GLRA3: variants seen among roughly 807,000 people sequenced by gnomAD.
GLRA3 encodes glycine receptor subunit alpha-3.
Under a neutral mutation model 60.4 loss-of-function variants are expected in GLRA3, and 44 were observed. That is an observed-to-expected ratio of 0.73 (90% CI 0.57 to 0.94). GLRA3 has a LOEUF of 0.94. Ranked by LOEUF, GLRA3 falls within the 40% of genes least tolerant of loss-of-function variation. The pLI is 0.00. For missense variants in GLRA3, 508 were observed against 564.6 expected (o/e 0.90, Z 1.02); for synonymous variants, 223 against 192.9 (o/e 1.16, Z -1.29).
chr4:174,817,992 G>A (rs1326599341), intron 1 of GLRA3, among the ~76,000 whole-genome samples: 1 of 152,096 alleles, frequency 6.6e-6, no homozygotes, highest in Non-Finnish European at 1.5e-5. Context: ...ATCAGATTTT[G>A]ACCATGTTAG....
chr4:174,713,315 C>A (rs947569258), intron 5 of GLRA3, among the ~76,000 whole-genome samples: 1 of 152,034 alleles, frequency 6.6e-6, no homozygotes, highest in African/African-American at 2.4e-5. Context: ...CATGGGAGGT[C>A]TTACTATGTC....
intron 5 of GLRA3, among the ~76,000 whole-genome samples, chr4:174,692,480 G>A (rs1436528653): frequency 4.0e-5 from 6 of 150,848 alleles, no homozygotes; most frequent in Admixed American, 6.6e-5. Flanking sequence ...TGACAATGGC[G>A]GTTTTGTGGA....
chr4:174,679,037 A>G (rs142853660), intron 6 of GLRA3, among the ~76,000 whole-genome samples: 31 of 152,274 alleles, frequency 2.0e-4, no homozygotes, highest in African/African-American at 7.5e-4. Flanking sequence ...CAAAATCACT[A>G]ATCATCAGAA....
At chr4:174,696,442 A>G (rs561068275) in intron 5 of GLRA3, among the ~76,000 whole-genome samples, 118 of 149,838 alleles carry the variant, frequency 7.9e-4, no homozygotes, top group Non-Finnish European at 1.5e-3. Flanking sequence ...TATGGAAAAC[A>G]ACATATGTAA....
chr4:174,678,419 A>T (rs1391862541), intron 6 of GLRA3, among the ~76,000 whole-genome samples: 1 of 152,230 alleles, frequency 6.6e-6, no homozygotes, highest in Non-Finnish European at 1.5e-5. Context: ...GGATGAGGTC[A>T]GAAAGTTAAC....
chr4:174,794,737 G>A (rs934379924), intron 1 of GLRA3, among the ~76,000 whole-genome samples: 1 of 152,054 alleles, frequency 6.6e-6, no homozygotes, highest in Non-Finnish European at 1.5e-5. Flanking sequence ...AACAATAATT[G>A]AGCTACTGCA....
chr4:174,785,577 T>G (rs1035502597), intron 2 of GLRA3, among the ~76,000 whole-genome samples: 1 of 152,178 alleles, frequency 6.6e-6, no homozygotes, highest in Non-Finnish European at 1.5e-5. Context: ...AATTTTATGT[T>G]TGCCTTTTAC....
chr4:174,659,806 T>C (rs2110891188), intron 7 of GLRA3, among the ~76,000 whole-genome samples: 1 of 152,052 alleles, frequency 6.6e-6, no homozygotes, highest in Non-Finnish European at 1.5e-5. Flanking sequence ...ACTCCATCTG[T>C]TTTAAAAATA....
chr4:174,646,418 CCT>C (rs1732817466), intron 9 of GLRA3, among the ~76,000 whole-genome samples: 2 of 152,208 alleles, frequency 1.3e-5, no homozygotes, highest in East Asian at 3.9e-4. Context: ...GAGAATGACC[CCT>C]GATTCCTAAA....
chr4:174,671,336 C>A (rs1205114367), intron 7 of GLRA3, among the ~76,000 whole-genome samples: 4 of 152,088 alleles, frequency 2.6e-5, no homozygotes, highest in African/African-American at 9.7e-5. Flanking sequence ...GCTCTCCTGA[C>A]CCCATTACAT....
intron 1 of GLRA3, among the ~76,000 whole-genome samples, chr4:174,800,985 G>A (rs555043513): frequency 6.6e-6 from 1 of 152,148 alleles, no homozygotes; most frequent in African/African-American, 2.4e-5. Flanking sequence ...AATAGACTTT[G>A]TATTAGATGA....
At chr4:174,746,424 T>C (rs1007324420) in intron 3 of GLRA3, among the ~76,000 whole-genome samples, 2 of 152,090 alleles carry the variant, frequency 1.3e-5, no homozygotes, top group Admixed American at 6.6e-5. Flanking sequence ...TTCACACTCA[T>C]ATGTGGGAGC....
intron 8 of GLRA3, among the ~76,000 whole-genome samples, chr4:174,656,999 GT>G (rs1432928185): frequency 2.6e-5 from 4 of 152,046 alleles, no homozygotes; most frequent in Non-Finnish European, 5.9e-5. Flanking sequence ...TCATAATTAT[GT>G]TTAATTACAT....
At chr4:174,687,884 C>T (rs1734610176) in intron 5 of GLRA3, among the ~76,000 whole-genome samples, 1 of 152,006 alleles carries the variant, frequency 6.6e-6, no homozygotes, top group Non-Finnish European at 1.5e-5. Context: ...GCAAGGTAGA[C>T]AAGTTAGTTT....
At chr4:174,671,493 A>G (rs1411440812) in intron 7 of GLRA3, among the ~76,000 whole-genome samples, 2 of 152,210 alleles carry the variant, frequency 1.3e-5, no homozygotes, top group African/African-American at 4.8e-5. Flanking sequence ...TATTGTAATC[A>G]ACCACACATA....
intron 1 of GLRA3, among the ~76,000 whole-genome samples, chr4:174,820,431 T>C (rs1740698612): frequency 2.0e-5 from 3 of 152,154 alleles, no homozygotes; most frequent in Admixed American, 2.0e-4. Context: ...CTAGACACTC[T>C]TTTAAGCCCA....
In GLRA3 at chr4:174,829,172, G is replaced by T; in HGVS notation, c.-361C>A. The T allele has an allele frequency of 5.7e-6, 1 of 176,072 alleles. No homozygotes were observed. Among genetic ancestry groups the T allele is most frequent in the Non-Finnish European group, 1.2e-5 (1 of 82,902 alleles). The allele number at this position is 176,072 out of a possible 1,614,324, so 10.9% of individuals were successfully genotyped here. The stretch of plus-strand genomic sequence containing the variant: ...ACCCAGGATTGGAGGAAGAAGAGCA[G>T]CAACAGCCGGAAAGAGGACGCCTCT... On this transcript the variant is annotated 5_prime_UTR_variant, in exon 1 of 10. It adds an upstream start codon to the 5' untranslated region. Coordinates refer to ENST00000274093, the MANE Select transcript of GLRA3 (RefSeq NM_006529.4).
chr4:174,747,583 A>C (rs1197327351), intron 3 of GLRA3, among the ~76,000 whole-genome samples: 1 of 152,166 alleles, frequency 6.6e-6, no homozygotes, highest in Non-Finnish European at 1.5e-5. Flanking sequence ...CTGTCACAAC[A>C]GTGAGAGGTG....
At chr4:174,733,143 G>A (rs1350307292) in intron 3 of GLRA3, among the ~76,000 whole-genome samples, 1 of 152,056 alleles carries the variant, frequency 6.6e-6, no homozygotes, top group African/African-American at 2.4e-5. Flanking sequence ...AACTGACTGG[G>A]TCTCTGGTAG....
Sources: gnomAD v4.1 joint callset for allele counts (sites outside exome capture counted in the v4.1 genomes callset) on GRCh38, gnomAD v4.1.1 for gene constraint, MANE v1.5 for transcripts, NCBI Gene and HGNC (gene_info 2026-07-23, HGNC 2026-07-21) for gene names.